Variants in CEP63 observed in about 807,000 individuals in gnomAD.
CEP63 encodes centrosomal protein of 63 kDa.
Under a neutral mutation model 89.1 loss-of-function variants are expected in CEP63, and 84 were observed. That is an observed-to-expected ratio of 0.94 (90% CI 0.79 to 1.13). The LOEUF is 1.13. Ranked by LOEUF, CEP63 falls within the 50% of genes most tolerant of loss-of-function variation. The pLI is 0.00. For synonymous variants in CEP63, 267 were observed against 272.5 expected, an observed-to-expected ratio of 0.98 and a Z score of 0.20; for missense variants, 838 against 813.3, an observed-to-expected ratio of 1.03 and a Z score of -0.37.
At chr3:134,727,319 A>G in the CEP63 span, among the ~76,000 whole-genome samples, 2 of 152,294 alleles carry the variant, frequency 1.3e-5, no homozygotes, top group Non-Finnish European at 2.9e-5. Flanking sequence ...TGTTAGTGCA[A>G]TTGAATTATA....
intron 2 of CEP63, among the ~76,000 whole-genome samples, chr3:134,495,844 C>T (rs1939681416): frequency 1.3e-5 from 2 of 152,164 alleles, no homozygotes; most frequent in Non-Finnish European, 2.9e-5. Context: ...TCTTTCTGTG[C>T]CTATTATTTC....
At chr3:134,540,406 G>C (rs893900462) in intron 6 of CEP63, among the ~76,000 whole-genome samples, 1 of 151,948 alleles carries the variant, frequency 6.6e-6, no homozygotes, top group African/African-American at 2.4e-5. Flanking sequence ...TAAACATTTA[G>C]GAGTATTTAT....
the CEP63 span, among the ~76,000 whole-genome samples, chr3:134,701,191 T>TAC: frequency 1.0e-5 from 1 of 98,858 alleles, no homozygotes; most frequent in African/African-American, 3.8e-5. Flanking sequence ...TATATATATA[T>TAC]ACACACACAT....
At chr3:134,552,295 C>A (rs35933983) in intron 12 of CEP63, 2 of 212,390 alleles carry the variant, frequency 9.4e-6, no homozygotes, top group South Asian at 6.5e-5. Context: ...CCTCCACCTC[C>A]CGGGTTCAAA....
chr3:134,644,565 A>G, the CEP63 span, among the ~76,000 whole-genome samples: 1 of 152,218 alleles, frequency 6.6e-6, no homozygotes, highest in Non-Finnish European at 1.5e-5. Context: ...TCTTCTCTCT[A>G]TAGCTTCCTG....
intron 6 of CEP63, among the ~76,000 whole-genome samples, chr3:134,543,004 G>A (rs1952373690): frequency 2.0e-5 from 3 of 151,418 alleles, no homozygotes; most frequent in Admixed American, 2.0e-4. Context: ...ATAATTATCA[G>A]AAATAATCAT....
intron 6 of CEP63, among the ~76,000 whole-genome samples, chr3:134,542,667 G>A (rs1952293390): frequency 1.3e-5 from 2 of 152,202 alleles, no homozygotes; most frequent in African/African-American, 4.8e-5. Context: ...GCACCAGGAA[G>A]TAGCTATCAC....
chr3:134,750,280 G>A, the CEP63 span, among the ~76,000 whole-genome samples: 1 of 152,136 alleles, frequency 6.6e-6, no homozygotes, highest in African/African-American at 2.4e-5. Context: ...CTGCTGCTTT[G>A]GCCAGAGCCC....
the CEP63 span, chr3:134,639,739 G>T: frequency 1.4e-4 from 21 of 151,026 alleles, no homozygotes; most frequent in Middle Eastern, 3.4e-3. Flanking sequence ...TGAGCCCAGG[G>T]GTTTGAGACC....
the CEP63 span, among the ~76,000 whole-genome samples, chr3:134,647,975 G>A: frequency 2.0e-5 from 3 of 152,304 alleles, no homozygotes; most frequent in East Asian, 5.8e-4. Context: ...CAGCTAGAGG[G>A]TAAACACGTA....
chr3:134,753,153 A>T, the CEP63 span, among the ~76,000 whole-genome samples: 1 of 151,926 alleles, frequency 6.6e-6, no homozygotes, highest in Non-Finnish European at 1.5e-5. Flanking sequence ...GGTCTTTCTC[A>T]CTATGTTTCT....
the CEP63 span, chr3:134,647,611 CTG>C: frequency 5.1e-3 from 3,178 of 620,334 alleles, 77 homozygotes; most frequent in African/African-American, 0.053. Context: ...CTCTTGGAAT[CTG>C]AGAGAGGCTA....
At chr3:134,655,452 GA>G in the CEP63 span, among the ~76,000 whole-genome samples, 693 of 152,334 alleles carry the variant, frequency 4.5e-3, no homozygotes, top group South Asian at 9.3e-3. Flanking sequence ...TGGCACTTGT[GA>G]ACTCTCTGTG....
chr3:134,576,826 G>C (rs1958224375), downstream of CEP63, among the ~76,000 whole-genome samples: 1 of 151,366 alleles, frequency 6.6e-6, no homozygotes, highest in Non-Finnish European at 1.5e-5. Context: ...GGGTGACTTG[G>C]AGAGCCAGCC....
downstream of CEP63, among the ~76,000 whole-genome samples, chr3:134,569,689 C>T (rs148899090): frequency 0.013 from 1,991 of 152,218 alleles, 36 homozygotes; most frequent in African/African-American, 0.046. Flanking sequence ...GTGGATCTAC[C>T]GTTCTGGGGT....
chr3:134,728,540 C>G, the CEP63 span, among the ~76,000 whole-genome samples: 7 of 152,204 alleles, frequency 4.6e-5, no homozygotes, highest in African/African-American at 1.7e-4. Context: ...AGTCACTGAT[C>G]AAGATCTCTT....
the CEP63 span, among the ~76,000 whole-genome samples, chr3:134,766,147 T>G: frequency 6.6e-6 from 1 of 152,226 alleles, no homozygotes; most frequent in Admixed American, 6.5e-5. Context: ...TTGAACATGC[T>G]CATACTGTGA....
the CEP63 span, among the ~76,000 whole-genome samples, chr3:134,606,543 C>T: frequency 6.6e-6 from 1 of 152,170 alleles, no homozygotes; most frequent in Non-Finnish European, 1.5e-5. Context: ...CAGCTTCTCT[C>T]CTAGCCCTGG....
the CEP63 span, among the ~76,000 whole-genome samples, chr3:134,618,782 G>A: frequency 1.3e-5 from 2 of 152,134 alleles, no homozygotes; most frequent in Non-Finnish European, 2.9e-5. Flanking sequence ...CAGCCCTGAG[G>A]ACAGCCTTTC....
Sources: allele counts gnomAD v4.1 joint callset (sites outside exome capture counted in the v4.1 genomes callset), GRCh38; gene constraint gnomAD v4.1.1; transcripts MANE v1.5; gene names NCBI Gene and HGNC (gene_info 2026-07-23, HGNC 2026-07-21).